The following NINL variants were observed in gnomAD, a reference collection of about 807,000 sequenced individuals.
NINL encodes the protein ninein-like protein.
Under a neutral mutation model 160.3 loss-of-function variants are expected in NINL, and 153 were observed. That is an observed-to-expected ratio of 0.95 (90% CI 0.84 to 1.09). The LOEUF (loss-of-function observed/expected upper bound fraction) is 1.09. Among genes scored for constraint, NINL ranks in the 50% least tolerant of loss-of-function variants. The pLI, the probability that NINL is intolerant of heterozygous loss-of-function variation, is 0.00. For missense variants in NINL, 1,829 were observed against 1,764.0 expected, an observed-to-expected ratio of 1.04 and a Z score of -0.66; for synonymous variants, 800 against 734.8, an observed-to-expected ratio of 1.09 and a Z score of -1.43.
chr20:25,471,759 G>T (rs2063100308), intron 17 of NINL, among the ~76,000 whole-genome samples: 1 of 152,196 alleles, frequency 6.6e-6, no homozygotes, highest in Non-Finnish European at 1.5e-5. Context: ...GGCCCTGGAA[G>T]GAGGTTCAGA....
At chr20:25,559,393 G>A (rs545098640) in intron 1 of NINL, among the ~76,000 whole-genome samples, 8 of 151,996 alleles carry the variant, frequency 5.3e-5, no homozygotes, top group Non-Finnish European at 7.4e-5. Flanking sequence ...GGTGCGTGCC[G>A]CCACACCCAA....
intron 14 of NINL, among the ~76,000 whole-genome samples, chr20:25,481,444 T>C (rs1416184165): frequency 6.6e-6 from 1 of 152,042 alleles, no homozygotes; most frequent in African/African-American, 2.4e-5. Flanking sequence ...GGACCCTGGG[T>C]CCTTGGAGCT....
intron 21 of NINL, 23 bp downstream of exon 21, chr20:25,461,499 C>T (rs752175629): frequency 7.0e-7 from 1 of 1,425,924 alleles, no homozygotes; most frequent in South Asian, 1.3e-5. Context: ...GACCCAGTGC[C>T]TCCAGCCATC....
chr20:25,460,489 T>C (rs1350626929), intron 21 of NINL, among the ~76,000 whole-genome samples: 1 of 152,190 alleles, frequency 6.6e-6, no homozygotes, highest in Non-Finnish European at 1.5e-5. Flanking sequence ...CGCCAGGTGC[T>C]GAGGAAGTGC....
chr20:25,490,582 A>G (rs1417949019), intron 11 of NINL, among the ~76,000 whole-genome samples: 3 of 150,256 alleles, frequency 2.0e-5, no homozygotes, highest in African/African-American at 7.4e-5. Flanking sequence ...AAAAAAAAAA[A>G]GAAAGGGTGG....
At chr20:25,469,291 G>A (rs1201446273) in intron 18 of NINL, among the ~76,000 whole-genome samples, 8 of 111,032 alleles carry the variant, frequency 7.2e-5, no homozygotes, top group African/African-American at 2.3e-4. Context: ...ACTGGTGGGC[G>A]CCCCACTGCC....
chr20:25,545,988 ATT>A (rs67346359), intron 1 of NINL, among the ~76,000 whole-genome samples: 8 of 147,384 alleles, frequency 5.4e-5, no homozygotes, highest in African/African-American at 2.0e-4. Flanking sequence ...TTTTGTTTTT[ATT>A]TTTTTTTTTG....
chr20:25,481,382 G>C (rs2063385073), intron 14 of NINL, among the ~76,000 whole-genome samples: 1 of 152,188 alleles, frequency 6.6e-6, no homozygotes, highest in Middle Eastern at 3.2e-3. Flanking sequence ...GCAGCACCTG[G>C]ACCCCCATTC....
intron 16 of NINL, 84 bp from the exon 17 acceptor site, chr20:25,477,173 C>T (rs1287790014): frequency 2.1e-5 from 27 of 1,263,126 alleles, no homozygotes; most frequent in East Asian, 1.3e-4. Flanking sequence ...GCTGTTGCAA[C>T]GGCTGCGACC....
At chr20:25,493,061 T>A (rs2063674298) in intron 10 of NINL, among the ~76,000 whole-genome samples, 1 of 152,130 alleles carries the variant, frequency 6.6e-6, no homozygotes, top group South Asian at 2.1e-4. Context: ...TCCACCAGGT[T>A]CCAGGACAGA....
intron 14 of NINL, among the ~76,000 whole-genome samples, chr20:25,481,532 G>A (rs2063388070): frequency 6.6e-6 from 1 of 152,194 alleles, no homozygotes; most frequent in East Asian, 1.9e-4. Flanking sequence ...GTGCCTCCCT[G>A]CCTCAGTCAG....
chr20:25,578,793 CAAA>C (rs11344577), intron 1 of NINL, among the ~76,000 whole-genome samples: 19 of 74,058 alleles, frequency 2.6e-4, no homozygotes, highest in Non-Finnish European at 2.8e-4. Flanking sequence ...ACTCCATCTC[CAAA>C]AAAAAAAAAA....
At chr20:25,507,285 G>A (rs1244197056) in intron 5 of NINL, among the ~76,000 whole-genome samples, 3 of 151,668 alleles carry the variant, frequency 2.0e-5, no homozygotes, top group South Asian at 2.1e-4. Context: ...TGTGTCCTCC[G>A]CACACCTCAC....
At chr20:25,565,406 G>A (rs762487783) in intron 1 of NINL, among the ~76,000 whole-genome samples, 4 of 152,122 alleles carry the variant, frequency 2.6e-5, no homozygotes, top group Non-Finnish European at 5.9e-5. Flanking sequence ...GGAGGAGGAG[G>A]GAGAGGGAAG....
chr20:25,579,890 T>A (rs2065153741), intron 1 of NINL, among the ~76,000 whole-genome samples: 2 of 152,182 alleles, frequency 1.3e-5, no homozygotes, highest in Non-Finnish European at 2.9e-5. Context: ...ACTGATATAC[T>A]CTACAAATGT....
chr20:25,549,384 C>T (rs868176760), intron 1 of NINL, among the ~76,000 whole-genome samples: 25 of 152,020 alleles, frequency 1.6e-4, no homozygotes, highest in African/African-American at 4.8e-4. Context: ...GCCACAGCTC[C>T]CACACCCAGC....
At position 25,504,064 on chromosome 20, in the gene NINL, T is replaced by C; in HGVS notation, c.749A>G (p.Asp250Gly). Residue 250 changes from aspartate (D) to glycine (G), a missense_variant, in exon 7 of 24, where the codon GAC (aspartate) becomes GGC (glycine). By Grantham distance (94) the Asp-to-Gly change is moderately conservative. Transcript: ENST00000278886. ...DLFNKLDQDG[D>G]GKVSLEEFQL... ...GAATTCCTCAAGACTCACTTTGCCG[T>C]CTCCGTCTTGATCCAGTTTGTTAAA... The C allele has an allele frequency of 6.2e-7, 1 of 1,603,954 alleles. No homozygotes were observed. Among genetic ancestry groups the C allele is most frequent in the Non-Finnish European group, 8.5e-7 (1 of 1,175,856 alleles).
chr20:25,524,991 G>A (rs1229473545), intron 2 of NINL, among the ~76,000 whole-genome samples: 2 of 151,424 alleles, frequency 1.3e-5, no homozygotes, highest in African/African-American at 4.8e-5. Flanking sequence ...TAAATAACCA[G>A]AGCGTTGATT....
intron 4 of NINL, among the ~76,000 whole-genome samples, chr20:25,510,988 C>A (rs1410665414): frequency 1.3e-5 from 2 of 152,280 alleles, no homozygotes; most frequent in African/African-American, 4.8e-5. Flanking sequence ...TTGTTCTGCA[C>A]GCTCGGGGCT....
Sources: allele counts gnomAD v4.1 joint callset (sites outside exome capture counted in the v4.1 genomes callset), GRCh38; gene constraint gnomAD v4.1.1; transcripts MANE v1.5; gene names NCBI Gene and HGNC (gene_info 2026-07-23, HGNC 2026-07-21).